Variants in STX8 observed in about 807,000 individuals in gnomAD.
STX8 encodes the protein syntaxin 8.
A neutral mutation model predicts 37.5 loss-of-function variants in STX8; 23 were observed. The ratio of observed to expected loss-of-function variants is 0.61; its 90% CI spans 0.44 to 0.87. STX8 has a LOEUF of 0.87. Ranked by LOEUF, STX8 falls within the 40% of genes least tolerant of loss-of-function variation. The pLI is 0.00. For synonymous variants in STX8, 115 were observed against 99.1 expected (o/e 1.16, Z -0.95); for missense variants, 313 against 284.7 (o/e 1.10, Z -0.71).
intron 7 of STX8, 100 bp from the exon 8 acceptor site, chr17:9,250,745 T>A: frequency 1.6e-6 from 2 of 1,250,430 alleles, no homozygotes; most frequent in Non-Finnish European, 2.3e-6. Context: ...TGTAGTTCCC[T>A]CTGAGCCTTC....
chr17:9,532,413 A>T (rs1399530167), intron 4 of STX8, among the ~76,000 whole-genome samples: 2 of 152,192 alleles, frequency 1.3e-5, no homozygotes, highest in Non-Finnish European at 2.9e-5. Flanking sequence ...TAAAAAACAC[A>T]AACAAGTTGG....
At position 9,541,197 on chromosome 17, in the gene STX8, G is replaced by A. The variant is rs181230071; in HGVS notation, c.323+3975C>T. On this transcript the variant is annotated intron_variant, in intron 4 of 7. Coordinates refer to ENST00000306357, the MANE Select transcript of STX8 (RefSeq NM_004853.3). ...TCCAGAAGACAAGACATTGGCAGCCGTTGATTCCACTGCTAGAATTAACAT... is the reference window on the plus strand; with the variant it reads ...TCCAGAAGACAAGACATTGGCAGCCATTGATTCCACTGCTAGAATTAACAT... Among the ~76,000 whole-genome samples, 14 of 152,282 alleles carry A rather than the reference G, an allele frequency of 9.2e-5. No individual in the cohort carries two copies. The East Asian group carries it at 1.5e-3, about 17-fold the overall frequency.
intron 6 of STX8, among the ~76,000 whole-genome samples, chr17:9,396,753 TAGAC>T (rs1317278676): frequency 1.0e-4 from 15 of 148,702 alleles, no homozygotes; most frequent in East Asian, 3.9e-4. Context: ...ACTGTAAAGA[TAGAC>T]AGGTGACATT....
intron 7 of STX8, among the ~76,000 whole-genome samples, chr17:9,316,152 T>C (rs1015971923): frequency 3.3e-5 from 5 of 152,168 alleles, no homozygotes; most frequent in African/African-American, 1.2e-4. Context: ...AGTTCAGATG[T>C]TATCTGGGAC....
intron 6 of STX8, among the ~76,000 whole-genome samples, chr17:9,427,498 G>T (rs1177750687): frequency 6.6e-6 from 1 of 152,086 alleles, no homozygotes; most frequent in Non-Finnish European, 1.5e-5. Flanking sequence ...GAAAAATAAC[G>T]GGATGAAAAA....
rs113562470 is a variant in STX8, at chr17:9,521,548, T to C, written c.324-16386A>G. 2.9e-3 allele frequency among the ~76,000 whole-genome samples: 441 copies of C among 152,320 alleles called. 3 individuals carry two copies. The highest frequency in any genetic ancestry group is 0.01 in the African/African-American group (417 of 41,554). ...TTACTAAACTGTTAACATCTTTCAG[T>C]CCAATACTCTGTCCTACTCTTTTCT... is the stretch of plus-strand genomic sequence containing the variant. On this transcript the variant is annotated intron_variant, in intron 4 of 7. Transcript: ENST00000306357.
intron 4 of STX8, among the ~76,000 whole-genome samples, chr17:9,508,357 T>C (rs566102463): frequency 2.0e-5 from 3 of 152,242 alleles, no homozygotes; most frequent in African/African-American, 7.2e-5. Context: ...GACAGGTTCT[T>C]ACTCTGTCAC....
chr17:9,341,608 TG>T (rs1910361797), intron 7 of STX8, among the ~76,000 whole-genome samples: 1 of 152,166 alleles, frequency 6.6e-6, no homozygotes, highest in Non-Finnish European at 1.5e-5. Flanking sequence ...GGCTAATTTT[TG>T]TATTTTTAGT....
At chr17:9,509,154 C>T (rs974674031) in intron 4 of STX8, among the ~76,000 whole-genome samples, 43 of 152,264 alleles carry the variant, frequency 2.8e-4, no homozygotes, top group African/African-American at 1.0e-3. Context: ...GAGGCAGAGG[C>T]AGGAGAATCA....
chr17:9,333,450 T>TGC (rs1567787604), intron 7 of STX8, among the ~76,000 whole-genome samples: 2 of 152,198 alleles, frequency 1.3e-5, no homozygotes, highest in East Asian at 1.9e-4. Context: ...TGCAGTGGCA[T>TGC]GATCTCGGCT....
rs1909217967 is a variant in STX8 at position 9,312,264 on chromosome 17, T to A, written c.644-61619A>T. ...TTGTCCAGGCTGGAGTGCAGTGGCG[T>A]GATCTTGGCTCACCGCAACCTCCAC... On this transcript the variant is annotated intron_variant, in intron 7 of 7. Coordinates refer to ENST00000306357, the MANE Select transcript of STX8 (RefSeq NM_004853.3). 2.6e-5 allele frequency among the ~76,000 whole-genome samples: 4 copies of A among 152,128 alleles called. No individual in the cohort carries two copies. In the South Asian group the frequency reaches 6.2e-4, roughly 24 times the overall value.
rs1317906903 is a variant in STX8 at position 9,298,851 on chromosome 17, A to T, written c.644-48206T>A. On this transcript the variant is annotated intron_variant, in intron 7 of 7. Transcript: ENST00000306357. ...ACAAAACAAAACAAAACCAAACCAA[A>T]CCTGAGTAGCATCTGTCCTTGCAAG... is the stretch of plus-strand genomic sequence containing the variant. 3.3e-5 allele frequency among the ~76,000 whole-genome samples: 5 copies of T among 152,148 alleles called. 1 individual carries two copies. Among genetic ancestry groups the T allele is most frequent in the Middle Eastern group, 6.8e-3 (2 of 294 alleles).
intron 6 of STX8, among the ~76,000 whole-genome samples, chr17:9,481,791 GATTCTCATAGGAGGA>G (rs1441396708): frequency 6.6e-6 from 1 of 152,186 alleles, no homozygotes; most frequent in Non-Finnish European, 1.5e-5. Context: ...AGTGGCATTA[GATTCTCATAGGAGGA>G]TAAACCCCAT....
At chr17:9,496,941 T>C (rs539496828) in intron 5 of STX8, among the ~76,000 whole-genome samples, 3 of 152,350 alleles carry the variant, frequency 2.0e-5, no homozygotes, top group Non-Finnish European at 2.9e-5. Context: ...TGCATTGGAC[T>C]ACTCACCTAC....
At chr17:9,354,260 T>G (rs557875384) in intron 7 of STX8, among the ~76,000 whole-genome samples, 12 of 152,146 alleles carry the variant, frequency 7.9e-5, no homozygotes, top group Non-Finnish European at 1.8e-4. Flanking sequence ...TAACATACTA[T>G]AATCATGCTT....
At chr17:9,558,620 G>C (rs1907078979) in intron 2 of STX8, among the ~76,000 whole-genome samples, 1 of 152,156 alleles carries the variant, frequency 6.6e-6, no homozygotes, top group South Asian at 2.1e-4. Flanking sequence ...TGGATCACAA[G>C]GTCAGGAGAT....
At chr17:9,449,030 A>T (rs1904950922) in intron 6 of STX8, among the ~76,000 whole-genome samples, 3 of 152,140 alleles carry the variant, frequency 2.0e-5, no homozygotes, top group Non-Finnish European at 2.9e-5. Flanking sequence ...TGCAACTGAA[A>T]CTCTCATACA....
intron 7 of STX8, among the ~76,000 whole-genome samples, chr17:9,377,230 T>C (rs1305390351): frequency 3.3e-5 from 5 of 152,154 alleles, no homozygotes; most frequent in African/African-American, 7.2e-5. Context: ...ACATTTTTCA[T>C]ATTAAAAAGG....
At chr17:9,394,384 A>ATTTT (rs111555086) in intron 6 of STX8, among the ~76,000 whole-genome samples, 3 of 147,964 alleles carry the variant, frequency 2.0e-5, no homozygotes, top group African/African-American at 7.4e-5. Context: ...ATTTAAATTC[A>ATTTT]TTTTTTTTTT....
Sources: gnomAD v4.1 joint callset for allele counts (sites outside exome capture counted in the v4.1 genomes callset) on GRCh38, gnomAD v4.1.1 for gene constraint, MANE v1.5 for transcripts, NCBI Gene and HGNC (gene_info 2026-07-23, HGNC 2026-07-21) for gene names.